The following PCGF3 variants were observed in gnomAD, a reference collection of about 807,000 sequenced individuals.
PCGF3 encodes polycomb group RING finger protein 3.
In PCGF3, 7 loss-of-function variants were observed where a neutral mutation model predicts 33.1. That is an observed-to-expected ratio of 0.21 (90% confidence interval 0.12 to 0.40). The LOEUF (loss-of-function observed/expected upper bound fraction) is 0.40, where lower values mean the gene tolerates loss of function less well. Ranked by LOEUF, PCGF3 falls within the 10% of genes least tolerant of loss-of-function variation. The pLI is 1.00. For synonymous variants in PCGF3, 153 were observed against 121.3 expected, an observed-to-expected ratio of 1.26 and a Z score of -1.72; for missense variants, 211 against 313.3, an observed-to-expected ratio of 0.67 and a Z score of 2.46.
At chr4:742,076 A>G (rs1345691966) in intron 6 of PCGF3, among the ~76,000 whole-genome samples, 1 of 150,612 alleles carries the variant, frequency 6.6e-6, no homozygotes, top group Admixed American at 6.6e-5. Flanking sequence ...CACTCCATCC[A>G]CCTGCGGCCG....
intron 3 of PCGF3, chr4:731,417 G>A: frequency 2.7e-6 from 1 of 372,010 alleles, no homozygotes; most frequent in Non-Finnish European, 4.8e-6. Flanking sequence ...TGGGGCCTCA[G>A]CCCAGTGAGT....
At chr4:707,441 C>T (rs1225418699) in intron 1 of PCGF3, among the ~76,000 whole-genome samples, 1 of 152,020 alleles carries the variant, frequency 6.6e-6, no homozygotes, top group Non-Finnish European at 1.5e-5. Context: ...GAGACTGCCC[C>T]GTCTCCCCCG....
rs975732154 is a variant in PCGF3, at chr4:721,423, A to C, written c.-189-9207A>C. Among the ~76,000 whole-genome samples the C allele has an allele frequency of 2.0e-5, 3 of 151,906 alleles. No homozygotes were observed. Among genetic ancestry groups the C allele is most frequent in the African/African-American group, 7.3e-5 (3 of 41,358 alleles). On this transcript the variant is annotated intron_variant, in intron 1 of 10. Transcript: ENST00000362003. This position sits in a 1 kb window ranked among gnomAD's most constrained non-coding sequence, Gnocchi z 4.1. ...TCTTCCTCCTGGCAGAGCTCCCCAG[A>C]GGAAGGCTGGGCTGGGCAGTCAGCC... is the stretch of plus-strand genomic sequence containing the variant.
At chr4:728,153 C>T (rs968915162) in intron 1 of PCGF3, among the ~76,000 whole-genome samples, 6 of 152,314 alleles carry the variant, frequency 3.9e-5, no homozygotes, top group African/African-American at 1.4e-4. Context: ...TTTAGGTGCA[C>T]CCGGTTTAAT....
At chr4:763,160 A>G (rs1745160805) in intron 9 of PCGF3, among the ~76,000 whole-genome samples, 2 of 152,038 alleles carry the variant, frequency 1.3e-5, no homozygotes, top group South Asian at 4.1e-4. Flanking sequence ...GAGAGAAGGA[A>G]ATGGGGCAAC....
At chr4:733,384 C>T (rs1484059548) in intron 3 of PCGF3, among the ~76,000 whole-genome samples, 1 of 152,246 alleles carries the variant, frequency 6.6e-6, no homozygotes, top group African/African-American at 2.4e-5. Flanking sequence ...ATGGACCCTC[C>T]TCAGTCCTCA....
chr4:711,790 G>A (rs1471341939), intron 1 of PCGF3, among the ~76,000 whole-genome samples: 1 of 151,820 alleles, frequency 6.6e-6, no homozygotes, highest in South Asian at 2.1e-4. Context: ...TTAGGCAGGC[G>A]TGTGTAATTT....
At chr4:743,434 C>T (rs1744181666) in intron 6 of PCGF3, 40 bp from the exon 7 acceptor site, 1 of 1,185,984 alleles carries the variant, frequency 8.4e-7, no homozygotes, top group African/African-American at 1.5e-5. Flanking sequence ...ATAGAATCCA[C>T]TGCCTGTGAG....
At chr4:736,367 A>G (rs1468231789) in intron 5 of PCGF3, among the ~76,000 whole-genome samples, 5 of 152,168 alleles carry the variant, frequency 3.3e-5, no homozygotes, top group East Asian at 3.9e-4. Flanking sequence ...TTTTCTTTAC[A>G]TTATTTGGAA....
rs1477881218 is a variant in PCGF3, at chr4:720,902, G to A, written c.-189-9728G>A. On this transcript the variant is annotated intron_variant, in intron 1 of 10. Transcript: ENST00000362003. The surrounding 1 kb of genome is among the most constrained non-coding windows in gnomAD (Gnocchi z 5.6). ...GTGTGGAGGGTGAATTAGTGCGAGG[G>A]CGGCTTGGAGAAGCCTGTCCTGGGC... Among the ~76,000 whole-genome samples the A allele has an allele frequency of 1.3e-5, 2 of 152,172 alleles. No individual in the cohort carries two copies. Among genetic ancestry groups the A allele is most frequent in the Non-Finnish European group, 2.9e-5 (2 of 68,014 alleles).
At chr4:742,936 C>T (rs1443454002) in intron 6 of PCGF3, among the ~76,000 whole-genome samples, 2 of 152,372 alleles carry the variant, frequency 1.3e-5, no homozygotes, top group South Asian at 2.1e-4. Context: ...CTCGAGGGCT[C>T]TCTTGGGGTT....
chr4:712,742 G>A (rs959145689), intron 1 of PCGF3, among the ~76,000 whole-genome samples: 1 of 152,200 alleles, frequency 6.6e-6, no homozygotes, highest in Non-Finnish European at 1.5e-5. Flanking sequence ...CACCGCGCCC[G>A]GCCAATAAAC....
chr4:734,262 C>T (rs903121098), intron 4 of PCGF3: 20 of 1,472,958 alleles, frequency 1.4e-5, no homozygotes, highest in African/African-American at 2.8e-5. Context: ...CGCTGACGGG[C>T]AGGTGCCATC....
intron 4 of PCGF3, chr4:734,566 CGTAGA>C: frequency 8.6e-7 from 1 of 1,159,510 alleles, no homozygotes; most frequent in African/African-American, 1.6e-5. Context: ...TCTAGTTGTA[CGTAGA>C]AGATACTGTC....
chr4:748,220 A>T (rs1458261407), intron 8 of PCGF3, among the ~76,000 whole-genome samples: 1 of 149,408 alleles, frequency 6.7e-6, no homozygotes, highest in African/African-American at 2.5e-5. Context: ...TTTTTTTGAG[A>T]TGGAGTTTTG....
intron 6 of PCGF3, among the ~76,000 whole-genome samples, chr4:738,263 C>G (rs7675495): frequency 0.065 from 9,936 of 152,298 alleles, 1,046 homozygotes; most frequent in African/African-American, 0.22. Flanking sequence ...CCGTAGAAAC[C>G]GTATCTCGCC....
At chr4:742,271 A>G (rs898565775) in intron 6 of PCGF3, among the ~76,000 whole-genome samples, 9 of 150,614 alleles carry the variant, frequency 6.0e-5, no homozygotes, top group Middle Eastern at 3.4e-3. Flanking sequence ...CTCACGGGGC[A>G]TCCTCCTCTC....
At chr4:760,006 A>G (rs1207536461) in intron 8 of PCGF3, among the ~76,000 whole-genome samples, 1 of 151,876 alleles carries the variant, frequency 6.6e-6, no homozygotes, top group African/African-American at 2.4e-5. Context: ...TCCCGCTCAC[A>G]TTGTCCCTCT....
At chr4:737,667 T>C (rs748728962) in intron 6 of PCGF3, 146 bp downstream of exon 6, 127 of 633,724 alleles carry the variant, frequency 2.0e-4, no homozygotes, top group Non-Finnish European at 3.1e-4. Flanking sequence ...CAGCCCAACT[T>C]CATCTCCTTG....
Sources: allele counts gnomAD v4.1 joint callset (sites outside exome capture counted in the v4.1 genomes callset), GRCh38; gene constraint gnomAD v4.1.1; non-coding constraint Gnocchi (gnomAD v3.1); transcripts MANE v1.5; gene names NCBI Gene and HGNC (gene_info 2026-07-23, HGNC 2026-07-21).